KIRREL1: variants seen among roughly 807,000 people sequenced by gnomAD.
KIRREL1 encodes kirre like nephrin family adhesion molecule 1.
KIRREL1 carries 25 observed loss-of-function variants against 83.3 expected under a neutral mutation model. The ratio of observed to expected loss-of-function variants is 0.30; its 90% CI spans 0.22 to 0.42. The LOEUF (loss-of-function observed/expected upper bound fraction) is 0.42. KIRREL1 is among the 10% of genes least tolerant of loss of function. KIRREL1 has a pLI of 1.00. For missense variants in KIRREL1, 812 were observed against 1,032.3 expected, an observed-to-expected ratio of 0.79 and a Z score of 2.92; for synonymous variants, 388 against 410.4, an observed-to-expected ratio of 0.95 and a Z score of 0.66.
intron 1 of KIRREL1, among the ~76,000 whole-genome samples, chr1:158,073,271 T>C (rs1661571410): frequency 6.6e-6 from 1 of 152,176 alleles, no homozygotes; most frequent in African/African-American, 2.4e-5. Flanking sequence ...GTGTCTGGAC[T>C]GAATTGCTTC....
intron 4 of KIRREL1, 64 bp from the exon 5 acceptor site, chr1:158,086,532 C>T (rs1456968163): frequency 1.7e-5 from 25 of 1,511,662 alleles, no homozygotes; most frequent in Non-Finnish European, 2.1e-5. Flanking sequence ...TGAGTGAGGT[C>T]AACTTAAGAG....
rs1313063711 is a variant in KIRREL1, at chr1:158,062,643, G to A, written c.53-13470G>A. On this transcript the variant is annotated intron_variant, in intron 1 of 14. Transcript: ENST00000359209. ...TGTATACCAACACTAGTATGTTGAC[G>A]TGTGGTAACACACTCACGCTTACCT... 3.3e-5 allele frequency among the ~76,000 whole-genome samples: 5 copies of A among 152,242 alleles called. No homozygotes were observed. The South Asian group carries it at 8.3e-4, about 25-fold the overall frequency.
In KIRREL1 at chr1:157,993,703, C is replaced by T. The variant is rs1571518475; in HGVS notation, c.27C>T (p.Leu9=). Residue 9 remains leucine (L), a synonymous_variant, in exon 1 of 15, where the codon CTC becomes CTT. Coordinates refer to ENST00000359209, the MANE Select transcript of KIRREL1 (RefSeq NM_018240.7). MLSLLVWI[L]TLSDTFSQGT... Reference sequence around the variant, plus strand: ...TGCTGAGCCTCCTCGTCTGGATCCTCACTCTCTCCGATACTTTCTCCCAAG... The same window carrying T: ...TGCTGAGCCTCCTCGTCTGGATCCTTACTCTCTCCGATACTTTCTCCCAAG... 6.7e-7 allele frequency: 1 copy of T among 1,495,800 alleles called. No homozygotes were observed. Among genetic ancestry groups the T allele is most frequent in the East Asian group, 2.9e-5 (1 of 33,962 alleles). The allele number at this position is 1,495,800 out of a possible 1,614,324, so 92.7% of individuals were successfully genotyped here. A position where few individuals can be genotyped will look rare whatever the true frequency, so the allele number is the denominator to read the frequency against.
chr1:158,031,785 C>T (rs1178067159), intron 1 of KIRREL1, among the ~76,000 whole-genome samples: 1 of 152,148 alleles, frequency 6.6e-6, no homozygotes, highest in Non-Finnish European at 1.5e-5. Context: ...GAAAAGTCTT[C>T]TAAAAATGGA....
chr1:158,060,330 G>T (rs542281718), intron 1 of KIRREL1, among the ~76,000 whole-genome samples: 1 of 152,146 alleles, frequency 6.6e-6, no homozygotes, highest in Non-Finnish European at 1.5e-5. Context: ...ACCAGGATGA[G>T]CCAATTTCAC....
Position 158,097,306 on chromosome 1 carries a change from G to T in KIRREL1, c.*2186G>T. The T allele has an allele frequency of 6.5e-6, 2 of 307,338 alleles. No individual in the cohort carries two copies. Among genetic ancestry groups the T allele is most frequent in the Non-Finnish European group, 6.3e-6 (1 of 158,606 alleles). 19.0% of individuals were successfully genotyped at this position (307,338 alleles called of 1,614,324 possible). A position where few individuals can be genotyped will look rare whatever the true frequency, so the allele number is the denominator to read the frequency against. On this transcript the variant is annotated 3_prime_UTR_variant, in exon 15 of 15. Coordinates refer to ENST00000359209, the MANE Select transcript of KIRREL1 (RefSeq NM_018240.7). ...AAAGACTTGAAGTCTAAAGATGGTGGCTTTTAAAACATGCATATTCCAAAA... is the reference window on the plus strand; with the variant it reads ...AAAGACTTGAAGTCTAAAGATGGTGTCTTTTAAAACATGCATATTCCAAAA...
At chr1:158,015,009 C>G (rs1435788519) in intron 1 of KIRREL1, among the ~76,000 whole-genome samples, 2 of 152,158 alleles carry the variant, frequency 1.3e-5, no homozygotes, top group East Asian at 3.9e-4. Context: ...TCAGGATGGC[C>G]ACAAGCTAAG....
rs1363441695 is a variant in KIRREL1 at position 158,088,075 on chromosome 1, C to A, written c.837C>A (p.Ser279=). 6.2e-7 allele frequency: 1 copy of A among 1,614,156 alleles called. No homozygotes were observed. The highest frequency in any genetic ancestry group is 1.1e-5 in the South Asian group (1 of 91,084). ...GCTATGAGACAAATGTGGATTATTC[C>A]TTTTTCACGGAGCCTGTGTCTTGTG... is the stretch of plus-strand genomic sequence containing the variant. The part of the protein sequence containing the change: ...ESRYETNVDY[S]FFTEPVSCEV... The change falls in exon 7 of 15, where the codon TCC becomes TCA. Residue 279 remains serine (S), a synonymous_variant. Transcript: ENST00000359209.
intron 1 of KIRREL1, among the ~76,000 whole-genome samples, chr1:158,064,916 C>T (rs1313159735): frequency 6.8e-6 from 1 of 146,482 alleles, no homozygotes; most frequent in African/African-American, 2.6e-5. Context: ...TAATGTCTAA[C>T]ACCTAAACCT....
chr1:158,011,639 A>G (rs913835702), intron 1 of KIRREL1, among the ~76,000 whole-genome samples: 1 of 152,198 alleles, frequency 6.6e-6, no homozygotes, highest in Non-Finnish European at 1.5e-5. Flanking sequence ...TCCTGGACAC[A>G]GGTGGCTGGG....
intron 1 of KIRREL1, among the ~76,000 whole-genome samples, chr1:158,008,723 G>A (rs963555408): frequency 1.3e-5 from 2 of 152,132 alleles, no homozygotes; most frequent in Admixed American, 6.5e-5. Context: ...TGGGAGCTGC[G>A]CCAGGTGTTT....
At chr1:158,017,417 C>T (rs948709433) in intron 1 of KIRREL1, among the ~76,000 whole-genome samples, 18 of 151,836 alleles carry the variant, frequency 1.2e-4, no homozygotes, top group Admixed American at 2.0e-4. Flanking sequence ...TTTTGCCTAG[C>T]GCAGTGGCTC....
intron 1 of KIRREL1, among the ~76,000 whole-genome samples, chr1:158,024,657 C>T (rs571509846): frequency 6.6e-6 from 1 of 152,032 alleles, no homozygotes; most frequent in South Asian, 2.1e-4. Context: ...GTGGGAAGGC[C>T]CTTGGATCCA....
At chr1:158,054,183 A>G (rs1255746671) in intron 1 of KIRREL1, among the ~76,000 whole-genome samples, 1 of 130,022 alleles carries the variant, frequency 7.7e-6, no homozygotes, top group Non-Finnish European at 1.6e-5. Context: ...ACTGCATTCC[A>G]GTCTCGGTGA....
At chr1:158,025,872 G>A (rs992673886) in intron 1 of KIRREL1, among the ~76,000 whole-genome samples, 1 of 151,936 alleles carries the variant, frequency 6.6e-6, no homozygotes, top group Admixed American at 6.5e-5. Context: ...GCAGGAGGAG[G>A]TCAGGATGTC....
At position 158,096,761 on chromosome 1, in the gene KIRREL1, G is replaced by A. The variant is rs752265074; in HGVS notation, c.*1641G>A. 7 of 456,486 alleles carry A rather than the reference G, an allele frequency of 1.5e-5. No homozygotes were observed. Among genetic ancestry groups the A allele is most frequent in the Admixed American group, 2.4e-5 (1 of 42,540 alleles). 28.3% of individuals were successfully genotyped at this position (456,486 alleles called of 1,614,324 possible). A position where few individuals can be genotyped will look rare whatever the true frequency, so the allele number is the denominator to read the frequency against. ...GAACCTGTACCCCTGCCCCAGCCTC[G>A]CCTTCCTAAAAAGCAGTGTCTGGAG... On this transcript the variant is annotated 3_prime_UTR_variant, in exon 15 of 15. Transcript: ENST00000359209.
intron 1 of KIRREL1, among the ~76,000 whole-genome samples, chr1:157,998,636 T>G (rs1195543066): frequency 3.9e-5 from 6 of 152,208 alleles, no homozygotes; most frequent in Middle Eastern, 3.2e-3. Context: ...AGAAGGGGTC[T>G]AGGGGATAAT....
At chr1:158,090,287 CA>C (rs892783016) in intron 10 of KIRREL1, among the ~76,000 whole-genome samples, 2 of 152,052 alleles carry the variant, frequency 1.3e-5, no homozygotes, top group Non-Finnish European at 2.9e-5. Context: ...TCTCCCTTCC[CA>C]TCAGTTCTCC....
At chr1:158,063,445 C>T (rs371270666) in intron 1 of KIRREL1, among the ~76,000 whole-genome samples, 3 of 152,322 alleles carry the variant, frequency 2.0e-5, no homozygotes, top group African/African-American at 7.2e-5. Flanking sequence ...CATTGCCCCC[C>T]ATCAAGTCGG....
Sources: gnomAD v4.1 joint callset for allele counts (sites outside exome capture counted in the v4.1 genomes callset) on GRCh38, gnomAD v4.1.1 for gene constraint, MANE v1.5 for transcripts, NCBI Gene and HGNC (gene_info 2026-07-23, HGNC 2026-07-21) for gene names.